SMOC2: variants seen among roughly 807,000 people sequenced by gnomAD.
SMOC2 encodes the protein SPARC-related modular calcium-binding protein 2.
In SMOC2, 39 loss-of-function variants were observed where a neutral mutation model predicts 61.4. That is an observed-to-expected ratio of 0.64 (90% CI 0.49 to 0.83). SMOC2 has a LOEUF of 0.83. Ranked by LOEUF, SMOC2 falls within the 40% of genes least tolerant of loss-of-function variation. SMOC2 has a pLI of 0.00. For synonymous variants in SMOC2, 247 were observed against 239.9 expected, an observed-to-expected ratio of 1.03 and a Z score of -0.27; for missense variants, 556 against 592.9, an observed-to-expected ratio of 0.94 and a Z score of 0.65.
intron 7 of SMOC2, among the ~76,000 whole-genome samples, chr6:168,598,293 G>T (rs1014189475): frequency 6.6e-6 from 1 of 152,230 alleles, no homozygotes. Context: ...TCGTTTGGGG[G>T]TGGGGGATGG....
intron 7 of SMOC2, among the ~76,000 whole-genome samples, chr6:168,581,903 A>G (rs901120718): frequency 1.3e-5 from 2 of 152,068 alleles, no homozygotes; most frequent in Non-Finnish European, 2.9e-5. Context: ...CTTCAGCCTC[A>G]GCTCTGAAGT....
At chr6:168,606,255 G>A (rs1265468179) in intron 8 of SMOC2, among the ~76,000 whole-genome samples, 1 of 152,120 alleles carries the variant, frequency 6.6e-6, no homozygotes, top group Non-Finnish European at 1.5e-5. Flanking sequence ...GTGACCTCTT[G>A]GAGCTGACCC....
At chr6:168,576,036 G>A (rs1025116264) in intron 7 of SMOC2, among the ~76,000 whole-genome samples, 4 of 152,080 alleles carry the variant, frequency 2.6e-5, no homozygotes, top group Non-Finnish European at 5.9e-5. Flanking sequence ...CTGGTGGCCT[G>A]GGTCTGAAAC....
chr6:168,605,620 C>A (rs547451348), intron 8 of SMOC2, among the ~76,000 whole-genome samples: 1 of 152,220 alleles, frequency 6.6e-6, no homozygotes, highest in East Asian at 1.9e-4. Flanking sequence ...ATACCTCTAT[C>A]CCAAATGTGG....
chr6:168,459,531 C>A (rs961311582), intron 1 of SMOC2, among the ~76,000 whole-genome samples: 1 of 149,146 alleles, frequency 6.7e-6, no homozygotes, highest in African/African-American at 2.5e-5. Context: ...GGGTCTGTAG[C>A]TAGAGCCCCA....
chr6:168,539,378 G>A (rs182683292), intron 4 of SMOC2, among the ~76,000 whole-genome samples: 3 of 152,210 alleles, frequency 2.0e-5, no homozygotes, highest in East Asian at 1.9e-4. Context: ...CCATGCCAGC[G>A]CCCAGACAGG....
chr6:168,645,800 C>T (rs1244258558), intron 9 of SMOC2, among the ~76,000 whole-genome samples: 2 of 152,182 alleles, frequency 1.3e-5, no homozygotes, highest in African/African-American at 2.4e-5. Flanking sequence ...AGGTGGCTGA[C>T]CTGTCCCCCT....
At chr6:168,565,001 G>C (rs1784510662) in intron 7 of SMOC2, among the ~76,000 whole-genome samples, 1 of 152,140 alleles carries the variant, frequency 6.6e-6, no homozygotes, top group African/African-American at 2.4e-5. Flanking sequence ...TCTCTGAATG[G>C]GGAAGAATAA....
intron 7 of SMOC2, among the ~76,000 whole-genome samples, chr6:168,589,273 A>G (rs1785118149): frequency 6.6e-6 from 1 of 152,350 alleles, no homozygotes; most frequent in East Asian, 1.9e-4. Context: ...GTTGGCTGAC[A>G]CTAAATAACA....
Position 168,544,913 on chromosome 6 carries a change from A to G in SMOC2, c.511+1241A>G, listed in dbSNP as rs887224852. ...CAGGACTGGCTTCCTGGAAGGGGAA[A>G]TATGTAACAGGTGTGAGCTGGAACA... On this transcript the variant is annotated intron_variant, in intron 5 of 12. Coordinates refer to ENST00000356284, the MANE Select transcript of SMOC2 (RefSeq NM_001166412.2). The surrounding 1 kb of genome is among the most constrained non-coding windows in gnomAD (Gnocchi z 4.1). Among the ~76,000 whole-genome samples, 1 of 152,144 alleles carries G rather than the reference A, an allele frequency of 6.6e-6. No homozygotes were observed. Among genetic ancestry groups the G allele is most frequent in the African/African-American group, 2.4e-5 (1 of 41,424 alleles).
chr6:168,648,377 G>A (rs1045573885), intron 9 of SMOC2, among the ~76,000 whole-genome samples: 1 of 152,238 alleles, frequency 6.6e-6, no homozygotes, highest in African/African-American at 2.4e-5. Context: ...TTCTGCCCAC[G>A]TGTTCCCGAG....
chr6:168,578,784 T>C (rs770011058), intron 7 of SMOC2, among the ~76,000 whole-genome samples: 23 of 152,352 alleles, frequency 1.5e-4, no homozygotes, highest in Non-Finnish European at 2.9e-4. Flanking sequence ...TTATGAAGAA[T>C]TGGACGTGGG....
chr6:168,641,003 C>T (rs542082002), intron 9 of SMOC2, among the ~76,000 whole-genome samples: 21 of 152,112 alleles, frequency 1.4e-4, no homozygotes, highest in Admixed American at 3.3e-4. Context: ...TTCCTAAGAA[C>T]GACTTAGTTC....
intron 1 of SMOC2, among the ~76,000 whole-genome samples, chr6:168,489,387 GT>G (rs1463900518): frequency 2.0e-5 from 3 of 150,104 alleles, no homozygotes; most frequent in Admixed American, 2.0e-4. Flanking sequence ...GGATCACACT[GT>G]TTTAGAGTGA....
chr6:168,601,275 C>A (rs1785547525), intron 8 of SMOC2, among the ~76,000 whole-genome samples: 1 of 152,206 alleles, frequency 6.6e-6, no homozygotes, highest in South Asian at 2.1e-4. Flanking sequence ...TGTGATGACG[C>A]TGGAGCGTGA....
chr6:168,483,575 AT>A (rs1323274089), intron 1 of SMOC2, among the ~76,000 whole-genome samples: 2 of 152,106 alleles, frequency 1.3e-5, no homozygotes, highest in Non-Finnish European at 2.9e-5. Context: ...TTCCAAAAAC[AT>A]TTTTTTGTAT....
In SMOC2 at chr6:168,630,780, C is replaced by G. The variant is rs1187067989; in HGVS notation, c.908-19901C>G. Among the ~76,000 whole-genome samples, 3 of 152,110 alleles carry G rather than the reference C, an allele frequency of 2.0e-5. No homozygotes were observed. In the East Asian group the frequency reaches 5.8e-4, roughly 29 times the overall value. ...CTTGCGGGTAGGTCTCTGAACTGGC[C>G]CCCCTGGGCATAGCCGTCTCTTACA... is the stretch of plus-strand genomic sequence containing the variant. On this transcript the variant is annotated intron_variant, in intron 9 of 12. Coordinates refer to ENST00000356284, the MANE Select transcript of SMOC2 (RefSeq NM_001166412.2).
intron 1 of SMOC2, among the ~76,000 whole-genome samples, chr6:168,443,208 T>G (rs780425351): frequency 2.6e-4 from 40 of 152,286 alleles, no homozygotes; most frequent in Admixed American, 4.6e-4. Context: ...CCTGTGTGTG[T>G]GGGGGGTGGG....
At chr6:168,522,432 A>G (rs1439129124) in intron 2 of SMOC2, among the ~76,000 whole-genome samples, 2 of 152,262 alleles carry the variant, frequency 1.3e-5, no homozygotes, top group African/African-American at 4.8e-5. Context: ...ACAATAGCCA[A>G]AAGATCCTAA....
Sources: allele counts gnomAD v4.1 joint callset (sites outside exome capture counted in the v4.1 genomes callset), GRCh38; gene constraint gnomAD v4.1.1; non-coding constraint Gnocchi (gnomAD v3.1); transcripts MANE v1.5; gene names NCBI Gene and HGNC (gene_info 2026-07-23, HGNC 2026-07-21).